The following MLLT3 variants were observed in gnomAD, a reference collection of about 807,000 sequenced individuals.
The protein encoded by MLLT3 is protein AF-9.
In MLLT3, 4 loss-of-function variants were observed where a neutral mutation model predicts 53.2. The observed-to-expected ratio is 0.08, with a 90% confidence interval of 0.04 to 0.17. The LOEUF is 0.17. Among genes scored for constraint, MLLT3 ranks in the 10% least tolerant of loss-of-function variants. MLLT3 has a pLI of 1.00. For missense variants in MLLT3, 569 were observed against 684.0 expected (o/e 0.83, Z 1.87); for synonymous variants, 283 against 230.6 (o/e 1.23, Z -2.06).
At chr9:20,478,426 GGACT>G (rs1431470831) in intron 2 of MLLT3, among the ~76,000 whole-genome samples, 11 of 152,040 alleles carry the variant, frequency 7.2e-5, no homozygotes, top group African/African-American at 2.2e-4. Context: ...AACCACAGAC[GGACT>G]GACTAACATG....
Position 20,488,592 on chromosome 9 carries a change from C to G in MLLT3, c.194-31806G>C, listed in dbSNP as rs554124238. Among the ~76,000 whole-genome samples the G allele has an allele frequency of 5.9e-5, 9 of 152,208 alleles. No individual in the cohort carries two copies. The East Asian group carries it at 7.7e-4, about 13-fold the overall frequency. ...AATGAAGCAAATATAATACTTTAAACTTATTCTTGTAACATGAATAGATCT... is the reference window on the plus strand; with the variant it reads ...AATGAAGCAAATATAATACTTTAAAGTTATTCTTGTAACATGAATAGATCT... On this transcript the variant is annotated intron_variant, in intron 2 of 10. Coordinates refer to ENST00000380338, the MANE Select transcript of MLLT3 (RefSeq NM_004529.4).
chr9:20,538,571 A>C (rs747181201), intron 2 of MLLT3, among the ~76,000 whole-genome samples: 4 of 152,210 alleles, frequency 2.6e-5, no homozygotes, highest in Non-Finnish European at 4.4e-5. Context: ...TCGTATACCA[A>C]AGTTGCTCCA....
At chr9:20,587,871 T>C (rs1198317189) in intron 2 of MLLT3, among the ~76,000 whole-genome samples, 4 of 152,200 alleles carry the variant, frequency 2.6e-5, no homozygotes, top group Admixed American at 2.0e-4. Flanking sequence ...CAATTTTGGC[T>C]TTTGTTGACA....
At chr9:20,475,068 G>T (rs1168925856) in intron 2 of MLLT3, among the ~76,000 whole-genome samples, 3 of 152,070 alleles carry the variant, frequency 2.0e-5, no homozygotes, top group South Asian at 2.1e-4. Flanking sequence ...TGGCCGGGGG[G>T]TGGGAACTGA....
chr9:20,553,293 T>A (rs1187819945), intron 2 of MLLT3, among the ~76,000 whole-genome samples: 1 of 152,138 alleles, frequency 6.6e-6, no homozygotes, highest in African/African-American at 2.4e-5. Flanking sequence ...GGTTATTTCT[T>A]CCCCCAAAAT....
chr9:20,353,728 G>T, intron 9 of MLLT3, 132 bp from the exon 10 acceptor site: 1 of 745,184 alleles, frequency 1.3e-6, no homozygotes, highest in Non-Finnish European at 2.3e-6. Flanking sequence ...AGCCCAGGCT[G>T]TGTGCACTCA....
chr9:20,570,536 T>C (rs1819507500), intron 2 of MLLT3, among the ~76,000 whole-genome samples: 1 of 152,192 alleles, frequency 6.6e-6, no homozygotes, highest in South Asian at 2.1e-4. Context: ...TTAAATGAGA[T>C]TTCTGGAATG....
At chr9:20,555,977 T>C (rs973193466) in intron 2 of MLLT3, among the ~76,000 whole-genome samples, 2 of 152,232 alleles carry the variant, frequency 1.3e-5, no homozygotes, top group Non-Finnish European at 2.9e-5. Context: ...CTCCAAACAA[T>C]TGACTGGCAC....
intron 2 of MLLT3, among the ~76,000 whole-genome samples, chr9:20,559,775 T>C (rs1485400728): frequency 1.3e-5 from 2 of 152,142 alleles, no homozygotes; most frequent in African/African-American, 4.8e-5. Flanking sequence ...AAATACATAT[T>C]TTATGGAATA....
intron 5 of MLLT3, among the ~76,000 whole-genome samples, chr9:20,387,949 G>A (rs1822082471): frequency 2.6e-5 from 4 of 152,186 alleles, no homozygotes; most frequent in Admixed American, 2.6e-4. Context: ...GCTCATTCAG[G>A]AGGGCAGCGG....
At chr9:20,479,674 T>C (rs982926214) in intron 2 of MLLT3, among the ~76,000 whole-genome samples, 4 of 152,322 alleles carry the variant, frequency 2.6e-5, no homozygotes, top group East Asian at 1.9e-4. Context: ...ACATGAGTGA[T>C]AGTATCTGTC....
chr9:20,484,306 G>C (rs139127468), intron 2 of MLLT3, among the ~76,000 whole-genome samples: 60 of 152,162 alleles, frequency 3.9e-4, no homozygotes, highest in African/African-American at 1.4e-3. Flanking sequence ...TCAGAAAACT[G>C]TAATACATCC....
chr9:20,593,389 G>A (rs1431595219), intron 2 of MLLT3, among the ~76,000 whole-genome samples: 3 of 152,158 alleles, frequency 2.0e-5, no homozygotes, highest in African/African-American at 7.2e-5. Context: ...GTTGGGCTTA[G>A]CATCAAGAAA....
intron 2 of MLLT3, among the ~76,000 whole-genome samples, chr9:20,467,556 G>A (rs956319778): frequency 2.6e-5 from 4 of 152,102 alleles, no homozygotes; most frequent in South Asian, 2.1e-4. Flanking sequence ...CCAGCCTGGC[G>A]ACAGAGTGGC....
intron 2 of MLLT3, among the ~76,000 whole-genome samples, chr9:20,552,365 T>TACC (rs1268773668): frequency 1.3e-4 from 20 of 152,204 alleles, no homozygotes; most frequent in Admixed American, 1.3e-3. Flanking sequence ...GTGTTCCATC[T>TACC]ACCCTTTTAA....
At chr9:20,382,038 AG>A (rs765999590) in intron 5 of MLLT3, among the ~76,000 whole-genome samples, 4 of 151,924 alleles carry the variant, frequency 2.6e-5, no homozygotes, top group Non-Finnish European at 5.9e-5. Flanking sequence ...TGCTGAAGTC[AG>A]AGGAGAAGGG....
chr9:20,483,999 C>T (rs1824740303), intron 2 of MLLT3, among the ~76,000 whole-genome samples: 1 of 152,074 alleles, frequency 6.6e-6, no homozygotes, highest in African/African-American at 2.4e-5. Flanking sequence ...GAGTGAGCCA[C>T]CGTGCCCGGC....
At chr9:20,439,409 G>T (rs1280423859) in intron 4 of MLLT3, among the ~76,000 whole-genome samples, 4 of 142,552 alleles carry the variant, frequency 2.8e-5, no homozygotes, top group African/African-American at 5.3e-5. Context: ...CCAAATAACT[G>T]ATCTATGGAC....
rs561754155 is a variant in MLLT3 at position 20,408,956 on chromosome 9, C to T, written c.1125+4765G>A. Among the ~76,000 whole-genome samples the T allele has an allele frequency of 3.9e-5, 6 of 152,180 alleles. No individual in the cohort carries two copies. The South Asian group carries it at 1.3e-3, about 32-fold the overall frequency. On this transcript the variant is annotated intron_variant, in intron 5 of 10. Coordinates refer to ENST00000380338, the MANE Select transcript of MLLT3 (RefSeq NM_004529.4). ...TCCTGCATCGGAATCACCATCCACC[C>T]TTGGGAAAAATGCTGCCAACTGATG...
Sources: gnomAD v4.1 joint callset for allele counts (sites outside exome capture counted in the v4.1 genomes callset) on GRCh38, gnomAD v4.1.1 for gene constraint, MANE v1.5 for transcripts, NCBI Gene and HGNC (gene_info 2026-07-23, HGNC 2026-07-21) for gene names.